Variants in SLC41A2 observed in about 807,000 individuals in gnomAD.
The protein encoded by SLC41A2 is solute carrier family 41 member 2, also known as SLC41A1-like 1.
Under a neutral mutation model 58.3 loss-of-function variants are expected in SLC41A2, and 32 were observed. The observed-to-expected ratio is 0.55, with a 90% CI of 0.41 to 0.74. The LOEUF (loss-of-function observed/expected upper bound fraction) is 0.74. Among genes scored for constraint, SLC41A2 ranks in the 30% least tolerant of loss-of-function variants. The pLI, the probability that SLC41A2 is intolerant of heterozygous loss-of-function variation, is 0.00. For missense variants in SLC41A2, 514 were observed against 680.6 expected (o/e 0.76, Z 2.72); for synonymous variants, 190 against 235.0 (o/e 0.81, Z 1.75).
intron 10 of SLC41A2, among the ~76,000 whole-genome samples, chr12:104,816,119 A>G (rs1368209999): frequency 6.6e-6 from 1 of 152,152 alleles, no homozygotes; most frequent in African/African-American, 2.4e-5. Context: ...CAAAGCCCAC[A>G]CTGCTTCTCC....
At chr12:104,808,564 G>C in intron 10 of SLC41A2, among the ~76,000 whole-genome samples, 1 of 152,174 alleles carries the variant, frequency 6.6e-6, no homozygotes, top group Non-Finnish European at 1.5e-5. Context: ...TTTGGTATCA[G>C]GATGATGCTG....
At position 104,871,419 on chromosome 12, in the gene SLC41A2, A is replaced by G. The variant is rs1297053168; in HGVS notation, c.1028-4840T>C. Among the ~76,000 whole-genome samples, 5 of 152,322 alleles carry G rather than the reference A, an allele frequency of 3.3e-5. No individual in the cohort carries two copies. The South Asian group carries it at 8.3e-4, about 25-fold the overall frequency. On this transcript the variant is annotated intron_variant, in intron 6 of 10. Transcript: ENST00000258538. ...GCTTTTAAAGATTACTGTATGTTTA[A>G]AGATTACTATACGAATGTATAAATG...
At chr12:104,806,686 G>C (rs2040919431) in intron 10 of SLC41A2, among the ~76,000 whole-genome samples, 1 of 151,882 alleles carries the variant, frequency 6.6e-6, no homozygotes, top group African/African-American at 2.4e-5. Flanking sequence ...CACCAACAGT[G>C]TAAAAGTGTT....
At position 104,815,973 on chromosome 12, in the gene SLC41A2, T is replaced by A. The variant is rs1592925085; in HGVS notation, c.1537-10636A>T. On this transcript the variant is annotated intron_variant, in intron 10 of 10. Coordinates refer to ENST00000258538, the MANE Select transcript of SLC41A2 (RefSeq NM_001352171.3). The stretch of plus-strand genomic sequence containing the variant: ...GAAAACTAATGTTTGATCACCTACC[T>A]TTTTTCCTCCTGGGTACTATGGTGG... Among the ~76,000 whole-genome samples, 5 of 152,276 alleles carry A rather than the reference T, an allele frequency of 3.3e-5. 1 individual carries two copies. The highest frequency in any genetic ancestry group is 2.6e-4 in the Admixed American group (4 of 15,280).
chr12:104,847,134 C>A (rs1190252610), intron 8 of SLC41A2, among the ~76,000 whole-genome samples: 1 of 150,276 alleles, frequency 6.7e-6, no homozygotes, highest in African/African-American at 2.5e-5. Context: ...AAAAGATATA[C>A]AAATATATTA....
At chr12:104,911,057 C>A (rs1356203729) in intron 2 of SLC41A2, among the ~76,000 whole-genome samples, 1 of 152,206 alleles carries the variant, frequency 6.6e-6, no homozygotes, top group Non-Finnish European at 1.5e-5. Flanking sequence ...CCACATATTC[C>A]TTTCTATTGA....
At chr12:104,917,684 A>G (rs530438088) in intron 2 of SLC41A2, among the ~76,000 whole-genome samples, 1 of 151,886 alleles carries the variant, frequency 6.6e-6, no homozygotes, top group South Asian at 2.1e-4. Flanking sequence ...AGGGACATGG[A>G]TGAAACTGGA....
At chr12:104,950,667 C>T (rs549323033) in intron 1 of SLC41A2, among the ~76,000 whole-genome samples, 4 of 152,198 alleles carry the variant, frequency 2.6e-5, no homozygotes, top group Admixed American at 1.3e-4. Context: ...GCTGGCTAAG[C>T]CTTTATTTTT....
Position 104,805,072 on chromosome 12 carries a change from T to A in SLC41A2, c.*80A>T, listed in dbSNP as rs1333382037. 8.0e-7 allele frequency: 1 copy of A among 1,248,130 alleles called. No individual in the cohort carries two copies. Among genetic ancestry groups the A allele is most frequent in the Non-Finnish European group, 1.1e-6 (1 of 913,380 alleles). 77.3% of individuals were successfully genotyped at this position (1,248,130 alleles called of 1,614,324 possible). The stretch of plus-strand genomic sequence containing the variant: ...CCCTGGCAAAAGTCAAACTACTGAT[T>A]TAAGAGTTTTGAAAAAGAGCCATAA... On this transcript the variant is annotated 3_prime_UTR_variant, in exon 11 of 11. Coordinates refer to ENST00000258538, the MANE Select transcript of SLC41A2 (RefSeq NM_001352171.3).
intron 1 of SLC41A2, among the ~76,000 whole-genome samples, chr12:104,943,276 C>T (rs1452294576): frequency 6.6e-6 from 1 of 151,996 alleles, no homozygotes; most frequent in African/African-American, 2.4e-5. Context: ...GAATCATCAC[C>T]GAGAAAGTTA....
At position 104,928,484 on chromosome 12, in the gene SLC41A2, C is replaced by A. The variant is rs61745056; in HGVS notation, c.44G>T (p.Gly15Val). The change falls in exon 2 of 11, where the codon GGT (glycine) becomes GTT (valine). Residue 15 changes from glycine to valine, a missense_variant. Physicochemically the swap from Gly to Val is moderately radical, Grantham distance 109. Transcript: ENST00000258538. Reference protein sequence around the residue: ...KGRSITDKTSGGPSSGGGFVD... With the variant: ...KGRSITDKTSVGPSSGGGFVD... ...AAAACCTCCTCCACTACTTGGACCA[C>A]CACTTGTTTTATCGGTAATAGATCT... is the stretch of plus-strand genomic sequence containing the variant. 4,023 of 1,538,446 alleles carry A rather than the reference C, an allele frequency of 2.6e-3. 70 individuals are homozygous for A. The African/African-American group carries it at 0.046, about 18-fold the overall frequency.
chr12:104,888,976 G>T, intron 5 of SLC41A2, 57 bp downstream of exon 5: 2 of 1,450,122 alleles, frequency 1.4e-6, no homozygotes, highest in African/African-American at 1.5e-5. Flanking sequence ...GTCATCTTAA[G>T]AAATAAACCA....
intron 2 of SLC41A2, among the ~76,000 whole-genome samples, chr12:104,917,513 G>C (rs1031675870): frequency 6.6e-6 from 1 of 151,794 alleles, no homozygotes. Context: ...CTGCTATAAA[G>C]ACACATGCAC....
intron 10 of SLC41A2, among the ~76,000 whole-genome samples, chr12:104,824,104 G>A (rs1194311730): frequency 6.6e-6 from 1 of 152,154 alleles, no homozygotes; most frequent in Non-Finnish European, 1.5e-5. Context: ...CTGTGTGGAG[G>A]AGGGTGTGGT....
intron 8 of SLC41A2, among the ~76,000 whole-genome samples, chr12:104,855,874 C>T (rs1294625698): frequency 6.6e-6 from 1 of 152,024 alleles, no homozygotes; most frequent in Non-Finnish European, 1.5e-5. Context: ...GGCAGGTTTG[C>T]GGGGAAGAGG....
chr12:104,844,632 A>G lies in SLC41A2; in HGVS notation c.1388-12T>C. On this transcript the variant is annotated splice_polypyrimidine_tract_variant and intron_variant, in intron 9 of 10. Transcript: ENST00000258538. ...CTTATTATTTACTCCTGTAATATAA[A>G]ATGTAAAAGTAATTAAAACAAAATT... The G allele has an allele frequency of 6.9e-7, 1 of 1,450,922 alleles. No homozygotes were observed. The highest frequency in any genetic ancestry group is 9.1e-7 in the Non-Finnish European group (1 of 1,093,134). The allele number at this position is 1,450,922 out of a possible 1,614,324, so 89.9% of individuals were successfully genotyped here.
intron 10 of SLC41A2, among the ~76,000 whole-genome samples, chr12:104,818,859 AG>A (rs991594530): frequency 6.6e-6 from 1 of 151,328 alleles, no homozygotes; most frequent in Non-Finnish European, 1.5e-5. Flanking sequence ...CCTGGGCGAC[AG>A]GGCAAGACTC....
chr12:104,875,005 T>A (rs924775634), intron 6 of SLC41A2, among the ~76,000 whole-genome samples: 3 of 152,202 alleles, frequency 2.0e-5, no homozygotes, highest in African/African-American at 7.2e-5. Context: ...CTTCTTCAAT[T>A]TATTTCATTA....
At chr12:104,892,903 C>T (rs770798675) in intron 4 of SLC41A2, among the ~76,000 whole-genome samples, 6 of 151,992 alleles carry the variant, frequency 3.9e-5, no homozygotes, top group Non-Finnish European at 7.4e-5. Context: ...AACTACTACA[C>T]AAAAACATTA....
Sources: gnomAD v4.1 joint callset for allele counts (sites outside exome capture counted in the v4.1 genomes callset) on GRCh38, gnomAD v4.1.1 for gene constraint, MANE v1.5 for transcripts, NCBI Gene and HGNC (gene_info 2026-07-23, HGNC 2026-07-21) for gene names.